The following SNTG2 variants were observed in gnomAD, a reference collection of about 807,000 sequenced individuals.
SNTG2 encodes the protein gamma-2-syntrophin.
A neutral mutation model predicts 70.9 loss-of-function variants in SNTG2; 74 were observed. That is an observed-to-expected ratio of 1.04 (90% CI 0.86 to 1.27). SNTG2 has a LOEUF of 1.27. SNTG2 is among the 50% of genes most tolerant of loss of function. SNTG2 has a pLI of 0.00. For synonymous variants in SNTG2, 278 were observed against 273.8 expected (o/e 1.02, Z -0.15); for missense variants, 717 against 690.7 (o/e 1.04, Z -0.43).
intron 9 of SNTG2, among the ~76,000 whole-genome samples, chr2:1,217,591 C>T (rs1674479592): frequency 6.6e-6 from 1 of 152,196 alleles, no homozygotes; most frequent in Admixed American, 6.5e-5. Context: ...TGCAGCATCA[C>T]AGGTAACTTA....
At chr2:1,117,115 G>A (rs1344811766) in intron 4 of SNTG2, among the ~76,000 whole-genome samples, 1 of 151,898 alleles carries the variant, frequency 6.6e-6, no homozygotes, top group Non-Finnish European at 1.5e-5. Flanking sequence ...GTGTACGGGT[G>A]CTCTTGTGTG....
At chr2:1,267,614 G>T (rs1378776464) in intron 14 of SNTG2, 43 bp downstream of exon 14, 2 of 1,557,024 alleles carry the variant, frequency 1.3e-6, no homozygotes, top group South Asian at 2.2e-5. Context: ...ACCTGCTCGG[G>T]TGTCTGAGAC....
At chr2:1,173,444 T>A (rs1012581304) in intron 8 of SNTG2, among the ~76,000 whole-genome samples, 6 of 152,216 alleles carry the variant, frequency 3.9e-5, no homozygotes, top group Non-Finnish European at 8.8e-5. Context: ...ATTCTTTGAG[T>A]CCTGCCTCTG....
At chr2:1,359,823 T>A (rs1661044195) in intron 16 of SNTG2, among the ~76,000 whole-genome samples, 1 of 152,236 alleles carries the variant, frequency 6.6e-6, no homozygotes, top group Admixed American at 6.5e-5. Context: ...TTCCATAAAC[T>A]AATCTTTATT....
chr2:1,260,361 A>G (rs1678351719), intron 13 of SNTG2, among the ~76,000 whole-genome samples: 1 of 152,216 alleles, frequency 6.6e-6, no homozygotes, highest in Non-Finnish European at 1.5e-5. Context: ...ATATTATCAA[A>G]TGATAAATAC....
intron 9 of SNTG2, among the ~76,000 whole-genome samples, chr2:1,232,220 G>T (rs549188471): frequency 6.6e-6 from 1 of 152,314 alleles, no homozygotes; most frequent in East Asian, 1.9e-4. Context: ...CACCACAGGG[G>T]AGAAATTCTC....
At chr2:1,043,183 C>G (rs1661537469) in intron 1 of SNTG2, among the ~76,000 whole-genome samples, 1 of 151,934 alleles carries the variant, frequency 6.6e-6, no homozygotes, top group South Asian at 2.1e-4. Context: ...TGAGAAGTGC[C>G]TGTTCATGTC....
At chr2:1,184,891 A>C (rs932137655) in intron 8 of SNTG2, among the ~76,000 whole-genome samples, 2 of 152,170 alleles carry the variant, frequency 1.3e-5, no homozygotes, top group African/African-American at 4.8e-5. Flanking sequence ...CAGTCCCCCA[A>C]GTTTTAACTC....
At position 1,097,176 on chromosome 2, in the gene SNTG2, C is replaced by T. The variant is rs1665446167; in HGVS notation, c.211-1020C>T. ...TCCTTTGAGTTTATGAAGTATTTCC[C>T]CCTAAGAAGGACATTCCTGGGGTAT... On this transcript the variant is annotated intron_variant, in intron 2 of 16. Transcript: ENST00000308624. The surrounding 1 kb of genome is among the most constrained non-coding windows in gnomAD (Gnocchi z 4.1). Among the ~76,000 whole-genome samples the T allele has an allele frequency of 6.6e-6, 1 of 152,158 alleles. No homozygotes were observed. Among genetic ancestry groups the T allele is most frequent in the South Asian group, 2.1e-4 (1 of 4,830 alleles).
intron 4 of SNTG2, among the ~76,000 whole-genome samples, chr2:1,113,088 A>G (rs1666616396): frequency 6.6e-6 from 1 of 151,286 alleles, no homozygotes; most frequent in Admixed American, 6.6e-5. Flanking sequence ...TTTAACCCTT[A>G]CAGTCCTTTG....
chr2:1,063,234 G>A (rs1054208926), intron 1 of SNTG2, among the ~76,000 whole-genome samples: 18 of 152,142 alleles, frequency 1.2e-4, no homozygotes, highest in Admixed American at 1.0e-3. Context: ...GATATCCACC[G>A]GTGATGCTGC....
At chr2:993,858 C>T (rs148515485) in intron 1 of SNTG2, among the ~76,000 whole-genome samples, 1,621 of 151,870 alleles carry the variant, frequency 0.011, 31 homozygotes, top group African/African-American at 0.035. Context: ...TTATCTTTTT[C>T]GGTTGTGAGT....
chr2:1,084,292 T>G (rs1392491542), intron 2 of SNTG2, among the ~76,000 whole-genome samples: 1 of 152,200 alleles, frequency 6.6e-6, no homozygotes, highest in Non-Finnish European at 1.5e-5. Context: ...GATCAGTGTT[T>G]CTGAAAGAGG....
At chr2:1,280,947 G>T (rs143486139) in intron 14 of SNTG2, among the ~76,000 whole-genome samples, 187 of 152,326 alleles carry the variant, frequency 1.2e-3, no homozygotes, top group African/African-American at 4.3e-3. Context: ...TGTGCACGTG[G>T]ACACGTAGCT....
At chr2:1,111,757 G>A (rs1666457633) in intron 4 of SNTG2, among the ~76,000 whole-genome samples, 1 of 150,806 alleles carries the variant, frequency 6.6e-6, no homozygotes, top group Non-Finnish European at 1.5e-5. Flanking sequence ...TGTGTTCTAA[G>A]TGAGGTTTAA....
At chr2:955,197 C>G (rs1162949432) in intron 1 of SNTG2, among the ~76,000 whole-genome samples, 1 of 152,188 alleles carries the variant, frequency 6.6e-6, no homozygotes, top group African/African-American at 2.4e-5. Flanking sequence ...AAACCTAGAT[C>G]AGTGCATGGC....
At chr2:1,333,137 TA>T (rs1178730965) in intron 16 of SNTG2, among the ~76,000 whole-genome samples, 18 of 152,102 alleles carry the variant, frequency 1.2e-4, no homozygotes, top group African/African-American at 4.1e-4. Context: ...CACAAATGAG[TA>T]GCACTGCTAT....
At chr2:964,414 G>T (rs1660459122) in intron 1 of SNTG2, among the ~76,000 whole-genome samples, 1 of 152,178 alleles carries the variant, frequency 6.6e-6, no homozygotes, top group East Asian at 1.9e-4. Context: ...TGCAGGAAAA[G>T]AGTCAATATT....
chr2:1,098,140 C>G (rs1665515022), intron 2 of SNTG2, 56 bp from the exon 3 acceptor site: 1 of 1,563,176 alleles, frequency 6.4e-7, no homozygotes, highest in Non-Finnish European at 8.8e-7. Context: ...TTTGAATTCA[C>G]TTTCTGATAG....
Sources: gnomAD v4.1 joint callset for allele counts (sites outside exome capture counted in the v4.1 genomes callset) on GRCh38, gnomAD v4.1.1 for gene constraint, Gnocchi (gnomAD v3.1) non-coding constraint, MANE v1.5 for transcripts, NCBI Gene and HGNC (gene_info 2026-07-23, HGNC 2026-07-21) for gene names.